AGBL4: variants seen among roughly 807,000 people sequenced by gnomAD.
AGBL4 encodes AGBL carboxypeptidase 4, also known as cytosolic carboxypeptidase 6.
AGBL4 carries 58 observed loss-of-function variants against 66.4 expected under a neutral mutation model. That is an observed-to-expected ratio of 0.87 (90% CI 0.71 to 1.09). AGBL4 has a LOEUF of 1.09. Among genes scored for constraint, AGBL4 ranks in the 50% least tolerant of loss-of-function variants. AGBL4 has a pLI of 0.00. For missense variants in AGBL4, 579 were observed against 631.0 expected (o/e 0.92, Z 0.88); for synonymous variants, 234 against 222.9 (o/e 1.05, Z -0.44).
chr1:50,008,084 T>A (rs1040855118), intron 1 of AGBL4, among the ~76,000 whole-genome samples: 2 of 152,134 alleles, frequency 1.3e-5, no homozygotes, highest in East Asian at 3.9e-4. Flanking sequence ...AGCTACAGAC[T>A]TCATTCAACA....
chr1:48,983,911 T>A (rs1420977054), intron 5 of AGBL4, among the ~76,000 whole-genome samples: 2 of 152,074 alleles, frequency 1.3e-5, no homozygotes, highest in Non-Finnish European at 2.9e-5. Context: ...GAGAGAAGCT[T>A]AGAAAGGTCT....
At chr1:49,603,059 A>C (rs1413859604) in intron 3 of AGBL4, among the ~76,000 whole-genome samples, 1 of 152,064 alleles carries the variant, frequency 6.6e-6, no homozygotes, top group Non-Finnish European at 1.5e-5. Context: ...TGACTTTCTG[A>C]AGATTATATA....
chr1:48,965,965 G>T (rs756379367), intron 5 of AGBL4, among the ~76,000 whole-genome samples: 2 of 152,098 alleles, frequency 1.3e-5, no homozygotes, highest in Non-Finnish European at 2.9e-5. Context: ...CAGCTTTTAG[G>T]AGAAAACAGA....
chr1:48,958,489 C>T (rs563438400), intron 5 of AGBL4, among the ~76,000 whole-genome samples: 2 of 152,326 alleles, frequency 1.3e-5, no homozygotes, highest in East Asian at 1.9e-4. Flanking sequence ...ATGTATACTA[C>T]GTTTAGGGCT....
At chr1:49,941,456 A>G (rs1654752741) in intron 1 of AGBL4, among the ~76,000 whole-genome samples, 1 of 152,150 alleles carries the variant, frequency 6.6e-6, no homozygotes, top group African/African-American at 2.4e-5. Flanking sequence ...AATATCCAGG[A>G]TGAACATGAT....
chr1:49,932,136 T>A (rs1653427859), intron 1 of AGBL4, among the ~76,000 whole-genome samples: 1 of 152,150 alleles, frequency 6.6e-6, no homozygotes, highest in South Asian at 2.1e-4. Flanking sequence ...ATTGAAACTG[T>A]ACTGGCATCA....
intron 1 of AGBL4, among the ~76,000 whole-genome samples, chr1:49,954,259 A>C (rs1656405773): frequency 6.6e-6 from 1 of 151,986 alleles, no homozygotes; most frequent in African/African-American, 2.4e-5. Flanking sequence ...GATGAGTGCT[A>C]AGGCTTTAAG....
chr1:49,082,429 C>T (rs1644824963), intron 4 of AGBL4, among the ~76,000 whole-genome samples: 1 of 152,204 alleles, frequency 6.6e-6, no homozygotes, highest in African/African-American at 2.4e-5. Flanking sequence ...GGGAAGGCCT[C>T]ACAATCATGG....
chr1:48,565,252 A>G (rs764654375), intron 11 of AGBL4, among the ~76,000 whole-genome samples: 5 of 152,022 alleles, frequency 3.3e-5, no homozygotes, highest in Non-Finnish European at 7.4e-5. Context: ...TGGAGGGTTA[A>G]CTCTGGGGGT....
chr1:49,710,747 C>CA (rs1444126541), intron 2 of AGBL4, among the ~76,000 whole-genome samples: 1 of 151,130 alleles, frequency 6.6e-6, no homozygotes, highest in Non-Finnish European at 1.5e-5. Context: ...AAACAGATAC[C>CA]AAAAATCACT....
chr1:49,765,810 T>C (rs1652690071), intron 2 of AGBL4, among the ~76,000 whole-genome samples: 1 of 151,894 alleles, frequency 6.6e-6, no homozygotes, highest in South Asian at 2.1e-4. Flanking sequence ...GAAAGCTTTA[T>C]CAATAGATGA....
chr1:49,610,454 C>A (rs913072949), intron 3 of AGBL4, among the ~76,000 whole-genome samples: 2 of 152,200 alleles, frequency 1.3e-5, no homozygotes, highest in African/African-American at 4.8e-5. Context: ...CACAGTGCTG[C>A]ATGGAAAACA....
intron 1 of AGBL4, among the ~76,000 whole-genome samples, chr1:49,854,778 C>G (rs145564475): frequency 6.6e-6 from 1 of 152,214 alleles, no homozygotes; most frequent in East Asian, 1.9e-4. Flanking sequence ...GTATAGCACA[C>G]CAGGGAGGCT....
chr1:49,755,497 C>T (rs1168865249), intron 2 of AGBL4, among the ~76,000 whole-genome samples: 1 of 152,128 alleles, frequency 6.6e-6, no homozygotes, highest in Non-Finnish European at 1.5e-5. Context: ...ATTAATCTTA[C>T]AAAATACTAA....
intron 3 of AGBL4, among the ~76,000 whole-genome samples, chr1:49,499,606 T>C (rs1647942154): frequency 2.0e-5 from 3 of 151,808 alleles, no homozygotes. Flanking sequence ...AGTGAGAACA[T>C]ATGATATCTG....
chr1:48,861,237 GA>G (rs1373681505), intron 6 of AGBL4, among the ~76,000 whole-genome samples: 1 of 152,154 alleles, frequency 6.6e-6, no homozygotes, highest in African/African-American at 2.4e-5. Context: ...TAAAAGTTAT[GA>G]AAAATCAATT....
intron 6 of AGBL4, among the ~76,000 whole-genome samples, chr1:48,831,636 G>A (rs1020390790): frequency 6.6e-6 from 1 of 152,186 alleles, no homozygotes; most frequent in Non-Finnish European, 1.5e-5. Flanking sequence ...TCAGTGCTTG[G>A]CACATGGTAG....
At chr1:49,088,240 A>C (rs946449560) in intron 4 of AGBL4, among the ~76,000 whole-genome samples, 2 of 152,244 alleles carry the variant, frequency 1.3e-5, no homozygotes, top group Non-Finnish European at 2.9e-5. Flanking sequence ...ATCAATATTA[A>C]CCTTGAATGT....
chr1:49,775,672 G>A (rs916540209), intron 2 of AGBL4, among the ~76,000 whole-genome samples: 6 of 151,880 alleles, frequency 4.0e-5, no homozygotes, highest in African/African-American at 1.5e-4. Flanking sequence ...TTGAGGGCAA[G>A]GACTATGTAA....
Sources: gnomAD v4.1 joint callset for allele counts (sites outside exome capture counted in the v4.1 genomes callset) on GRCh38, gnomAD v4.1.1 for gene constraint, MANE v1.5 for transcripts, NCBI Gene and HGNC (gene_info 2026-07-23, HGNC 2026-07-21) for gene names.